HEG1: variants seen among roughly 807,000 people sequenced by gnomAD.
HEG1 encodes the protein protein HEG homolog 1.
HEG1 carries 56 observed loss-of-function variants against 125.6 expected under a neutral mutation model. The ratio of observed to expected loss-of-function variants is 0.45; its 90% confidence interval spans 0.36 to 0.56. HEG1 has a LOEUF of 0.56. HEG1 is among the 20% of genes least tolerant of loss of function. The pLI is 0.00. For synonymous variants in HEG1, 644 were observed against 668.5 expected, an observed-to-expected ratio of 0.96 and a Z score of 0.57; for missense variants, 1,523 against 1,670.0, an observed-to-expected ratio of 0.91 and a Z score of 1.53.
At position 125,055,710 on chromosome 3, in the gene HEG1, C is replaced by G; in HGVS notation, c.181G>C (p.Glu61Gln). The stretch of plus-strand genomic sequence containing the variant: ...GGCGGCGTGGGCGGCGGCTCGCGCT[C>G]CGGGCGGCGCTCCAGCTGCAGCTCC... ...GLELQLERRP[E>Q]REPPPTPPRE... Residue 61 changes from glutamate to glutamine, a missense_variant, in exon 1 of 17, where the codon GAG (glutamate) becomes CAG (glutamine). By Grantham distance (29) the Glu-to-Gln change is conservative. Coordinates refer to ENST00000311127, the MANE Select transcript of HEG1 (RefSeq NM_020733.2). 1 of 1,069,736 alleles carries G rather than the reference C, an allele frequency of 9.3e-7. No homozygotes were observed. The highest frequency in any genetic ancestry group is 1.1e-6 in the Non-Finnish European group (1 of 886,264). The allele number at this position is 1,069,736 out of a possible 1,614,324, so 66.3% of individuals were successfully genotyped here. A position where few individuals can be genotyped will look rare whatever the true frequency, so the allele number is the denominator to read the frequency against.
intron 1 of HEG1, among the ~76,000 whole-genome samples, chr3:125,038,786 G>C (rs1032461069): frequency 1.3e-5 from 2 of 152,284 alleles, no homozygotes; most frequent in African/African-American, 4.8e-5. Context: ...TCTTATTCTT[G>C]GTGGAGAAGA....
intron 15 of HEG1, among the ~76,000 whole-genome samples, chr3:124,974,245 T>G (rs1371116184): frequency 1.3e-5 from 2 of 152,054 alleles, no homozygotes; most frequent in African/African-American, 4.8e-5. Context: ...ACAAGGGTCA[T>G]AAATTCACAG....
chr3:125,015,437 G>A (rs577535394), intron 5 of HEG1, among the ~76,000 whole-genome samples: 6 of 152,308 alleles, frequency 3.9e-5, no homozygotes, highest in South Asian at 2.1e-4. Flanking sequence ...TCTTCCTCCC[G>A]GAAGGACCAG....
intron 15 of HEG1, among the ~76,000 whole-genome samples, chr3:124,977,384 T>C (rs560228386): frequency 6.6e-6 from 1 of 152,362 alleles, no homozygotes; most frequent in African/African-American, 2.4e-5. Flanking sequence ...TATCTCTTCT[T>C]TGAAGAAATG....
intron 11 of HEG1, among the ~76,000 whole-genome samples, chr3:125,001,553 C>A (rs779974959): frequency 1.3e-5 from 2 of 152,168 alleles, no homozygotes; most frequent in Non-Finnish European, 2.9e-5. Context: ...ACATCAGCTC[C>A]TATGCCCCTC....
At position 125,027,175 on chromosome 3, in the gene HEG1, C is replaced by T. The variant is rs746341110; in HGVS notation, c.913+30G>A. The T allele has an allele frequency of 1.8e-5, 27 of 1,530,398 alleles. 1 individual carries two copies. Among genetic ancestry groups the T allele is most frequent in the Middle Eastern group, 2.0e-4 (1 of 4,900 alleles). 94.8% of individuals were successfully genotyped at this position (1,530,398 alleles called of 1,614,324 possible). ...ATTTATGTCTACTTTGAGTGACTTC[C>T]GAGTGTTAAGCTGGGTATGTGGCAC... On this transcript the variant is annotated intron_variant, in intron 3 of 16. Transcript: ENST00000311127.
At chr3:124,977,736 G>T in intron 15 of HEG1, 123 bp downstream of exon 15, 1 of 506,600 alleles carries the variant, frequency 2.0e-6, no homozygotes, top group Non-Finnish European at 3.4e-6. Flanking sequence ...TTAAAAATGG[G>T]TTAGTCACAC....
intron 1 of HEG1, among the ~76,000 whole-genome samples, chr3:125,054,278 TCTCTC>T (rs1229282864): frequency 1.3e-5 from 2 of 152,258 alleles, no homozygotes; most frequent in Admixed American, 1.3e-4. Flanking sequence ...CAGAAGCTTA[TCTCTC>T]CTCTCCCTTT....
intron 1 of HEG1, among the ~76,000 whole-genome samples, chr3:125,051,970 A>G (rs570710077): frequency 6.6e-6 from 1 of 152,234 alleles, no homozygotes; most frequent in Admixed American, 6.5e-5. Flanking sequence ...CTGGGCAGCA[A>G]ATACCTTTCA....
At chr3:124,996,683 T>G (rs921725054) in intron 12 of HEG1, among the ~76,000 whole-genome samples, 1 of 152,178 alleles carries the variant, frequency 6.6e-6, no homozygotes, top group Non-Finnish European at 1.5e-5. Context: ...AAATATATTT[T>G]TATCTGTGAT....
At chr3:125,002,410 T>A in intron 9 of HEG1, 95 bp from the exon 10 acceptor site, 1 of 1,123,620 alleles carries the variant, frequency 8.9e-7, no homozygotes, top group Non-Finnish European at 1.3e-6. Flanking sequence ...ACAGGCATTT[T>A]CCAGCCATCA....
chr3:124,978,125 T>C (rs560290434), intron 14 of HEG1, among the ~76,000 whole-genome samples, 179 bp from the exon 15 acceptor site: 1 of 152,242 alleles, frequency 6.6e-6, no homozygotes, highest in South Asian at 2.1e-4. Flanking sequence ...GCTCTCCATA[T>C]TGAGAAGAGT....
intron 1 of HEG1, 49 bp downstream of exon 1, chr3:125,055,526 C>T (rs1450397042): frequency 8.8e-7 from 1 of 1,142,008 alleles, no homozygotes; most frequent in Non-Finnish European, 1.1e-6. Flanking sequence ...GGCGCGCCCA[C>T]GCCCCCAGCA....
intron 5 of HEG1, among the ~76,000 whole-genome samples, chr3:125,015,845 T>G (rs1291673339): frequency 6.6e-6 from 1 of 152,182 alleles, no homozygotes; most frequent in Non-Finnish European, 1.5e-5. Flanking sequence ...TTATTCACAT[T>G]CCCAGCCCAG....
At chr3:125,012,014 G>T (rs1370044934) in intron 6 of HEG1, among the ~76,000 whole-genome samples, 1 of 152,206 alleles carries the variant, frequency 6.6e-6, no homozygotes, top group Non-Finnish European at 1.5e-5. Context: ...GTGGGAAAAG[G>T]TTAGTTCACC....
At chr3:125,031,107 C>G (rs979045574) in intron 1 of HEG1, among the ~76,000 whole-genome samples, 1 of 152,104 alleles carries the variant, frequency 6.6e-6, no homozygotes, top group Non-Finnish European at 1.5e-5. Context: ...AAAAGGAAGT[C>G]ATGTGTAGCA....
At chr3:125,027,035 A>T (rs1305472566) in intron 3 of HEG1, among the ~76,000 whole-genome samples, 170 bp downstream of exon 3, 1 of 152,192 alleles carries the variant, frequency 6.6e-6, no homozygotes, top group African/African-American at 2.4e-5. Flanking sequence ...TAAACTGGGT[A>T]GGTTGTACCT....
chr3:125,018,034 A>G (rs1369303423), intron 5 of HEG1, among the ~76,000 whole-genome samples: 1 of 152,084 alleles, frequency 6.6e-6, no homozygotes, highest in Non-Finnish European at 1.5e-5. Flanking sequence ...ATCTCAAAAA[A>G]AAAAAAATAA....
chr3:125,002,116 G>A, intron 10 of HEG1, 104 bp from the exon 11 acceptor site: 2 of 1,520,122 alleles, frequency 1.3e-6, no homozygotes, highest in South Asian at 1.2e-5. Context: ...CGGGATGGGA[G>A]AGCATGAAGG....
Sources: gnomAD v4.1 joint callset for allele counts (sites outside exome capture counted in the v4.1 genomes callset) on GRCh38, gnomAD v4.1.1 for gene constraint, MANE v1.5 for transcripts, NCBI Gene and HGNC (gene_info 2026-07-23, HGNC 2026-07-21) for gene names.